ST18: variants seen among roughly 807,000 people sequenced by gnomAD.
ST18 encodes the protein suppression of tumorigenicity 18 protein.
ST18 carries 50 observed loss-of-function variants against 110.0 expected under a neutral mutation model. The observed-to-expected ratio is 0.45, with a 90% CI of 0.36 to 0.58. The LOEUF (loss-of-function observed/expected upper bound fraction) is 0.58. Among genes scored for constraint, ST18 ranks in the 20% least tolerant of loss-of-function variants. The pLI is 0.00. For synonymous variants in ST18, 461 were observed against 452.4 expected, an observed-to-expected ratio of 1.02 and a Z score of -0.24; for missense variants, 1,306 against 1,280.1, an observed-to-expected ratio of 1.02 and a Z score of -0.31.
intron 2 of ST18, among the ~76,000 whole-genome samples, chr8:52,357,692 TA>T (rs1228315924): frequency 0.028 from 1,529 of 53,928 alleles, 102 homozygotes; most frequent in African/African-American, 0.13. Context: ...TATATATATA[TA>T]TATATATATA....
intron 2 of ST18, among the ~76,000 whole-genome samples, chr8:52,274,012 T>C (rs1002320519): frequency 2.0e-5 from 3 of 152,206 alleles, no homozygotes; most frequent in African/African-American, 7.2e-5. Context: ...GAATTTCTTT[T>C]AAATCATGAC....
rs181259062 is a variant in ST18 at position 52,112,549 on chromosome 8, T to G, written c.*649A>C. ...CAGGCTGTTTTCCAGCATCCTGTGCTTTTGTGAGTGCGGATTCCCCACTAG... is the reference window on the plus strand; with the variant it reads ...CAGGCTGTTTTCCAGCATCCTGTGCGTTTGTGAGTGCGGATTCCCCACTAG... On this transcript the variant is annotated 3_prime_UTR_variant, in exon 26 of 26. Transcript: ENST00000689386. The G allele has an allele frequency of 1.3e-5, 2 of 152,788 alleles. No individual in the cohort carries two copies. Among genetic ancestry groups the G allele is most frequent in the African/African-American group, 2.4e-5 (1 of 41,582 alleles). The allele number at this position is 152,788 out of a possible 1,614,324, so 9.5% of individuals were successfully genotyped here. A position where few individuals can be genotyped will look rare whatever the true frequency, so the allele number is the denominator to read the frequency against.
Position 52,271,207 on chromosome 8 carries a change from C to T in ST18, c.-464-41130G>A, listed in dbSNP as rs902640071. On this transcript the variant is annotated intron_variant, in intron 2 of 25. Coordinates refer to ENST00000689386, the MANE Select transcript of ST18 (RefSeq NM_001352837.2). ...TCTCTTTCCTTATTTATAATTATCT[C>T]GAAAAAGATTTTTAAAAATAAAAAT... 2.6e-5 allele frequency among the ~76,000 whole-genome samples: 4 copies of T among 152,120 alleles called. No homozygotes were observed. In the South Asian group the frequency reaches 8.3e-4, roughly 32 times the overall value.
At chr8:52,276,870 G>A (rs973697943) in intron 2 of ST18, among the ~76,000 whole-genome samples, 9 of 151,394 alleles carry the variant, frequency 5.9e-5, no homozygotes, top group South Asian at 2.1e-4. Flanking sequence ...GGGTTCAAGC[G>A]ATTCTCCTGC....
intron 2 of ST18, among the ~76,000 whole-genome samples, chr8:52,290,086 A>G (rs1179999602): frequency 2.0e-5 from 3 of 152,096 alleles, no homozygotes; most frequent in Admixed American, 1.3e-4. Flanking sequence ...ACTCTGGTGG[A>G]TCCATGTCCC....
chr8:52,370,252 A>G (rs1232173939), intron 2 of ST18, among the ~76,000 whole-genome samples: 1 of 152,218 alleles, frequency 6.6e-6, no homozygotes, highest in African/African-American at 2.4e-5. Context: ...AAGACAAGGT[A>G]AACAAAGGGC....
chr8:52,293,170 C>T (rs1328341511), intron 2 of ST18, among the ~76,000 whole-genome samples: 2 of 152,196 alleles, frequency 1.3e-5, no homozygotes, highest in East Asian at 3.8e-4. Context: ...TAGTTTTTCA[C>T]CTCACTTCCT....
At chr8:52,392,140 G>T (rs944999529) in intron 2 of ST18, among the ~76,000 whole-genome samples, 3 of 152,220 alleles carry the variant, frequency 2.0e-5, no homozygotes, top group African/African-American at 4.8e-5. Context: ...GTATGGAGTT[G>T]AGGGTAAACC....
chr8:52,280,685 C>T (rs964884965), intron 2 of ST18, among the ~76,000 whole-genome samples: 1 of 151,920 alleles, frequency 6.6e-6, no homozygotes, highest in Non-Finnish European at 1.5e-5. Flanking sequence ...GAACATATAA[C>T]AATTCGGGAC....
intron 2 of ST18, among the ~76,000 whole-genome samples, chr8:52,393,055 C>T (rs1210638699): frequency 6.6e-6 from 1 of 152,136 alleles, no homozygotes; most frequent in African/African-American, 2.4e-5. Flanking sequence ...GCCTTAGGTT[C>T]CCTGCCTCCA....
chr8:52,170,942 C>T (rs991731116), intron 10 of ST18, among the ~76,000 whole-genome samples: 2 of 152,168 alleles, frequency 1.3e-5, no homozygotes, highest in South Asian at 2.1e-4. Context: ...CTCCTTGGGT[C>T]CACTGCCCTG....
intron 2 of ST18, among the ~76,000 whole-genome samples, chr8:52,403,150 T>C (rs1335744949): frequency 6.6e-6 from 1 of 151,994 alleles, no homozygotes; most frequent in Non-Finnish European, 1.5e-5. Flanking sequence ...AGGTAGCTTG[T>C]TCCCAGGGGG....
intron 2 of ST18, among the ~76,000 whole-genome samples, chr8:52,350,910 CG>C (rs1210832002): frequency 6.6e-6 from 1 of 151,712 alleles, no homozygotes; most frequent in African/African-American, 2.4e-5. Context: ...TTAGTAGAGA[CG>C]GGGTTTCACT....
In ST18 at chr8:52,247,317, A is replaced by T. The variant is rs117666569; in HGVS notation, c.-464-17240T>A. Among the ~76,000 whole-genome samples the T allele has an allele frequency of 2.3e-3, 345 of 152,312 alleles. 9 individuals carry two copies. The East Asian group carries it at 0.036, about 16-fold the overall frequency. On this transcript the variant is annotated intron_variant, in intron 2 of 25. Coordinates refer to ENST00000689386, the MANE Select transcript of ST18 (RefSeq NM_001352837.2). ...AAAAAATATATATTTCAGATGCAAG[A>T]CCCATATAGGTGGAAACAAGTTTGC...
At chr8:52,379,396 C>A (rs943579866) in intron 2 of ST18, among the ~76,000 whole-genome samples, 23 of 152,044 alleles carry the variant, frequency 1.5e-4, no homozygotes, top group African/African-American at 4.6e-4. Context: ...CCACGCCCAG[C>A]CAATAAAATC....
At chr8:52,356,471 C>A (rs987021850) in intron 2 of ST18, among the ~76,000 whole-genome samples, 5 of 152,096 alleles carry the variant, frequency 3.3e-5, no homozygotes, top group Non-Finnish European at 7.3e-5. Context: ...CAACTCACAA[C>A]AAGCAGTAGC....
chr8:52,372,383 T>C (rs1224953130), intron 2 of ST18, among the ~76,000 whole-genome samples: 1 of 152,214 alleles, frequency 6.6e-6, no homozygotes, highest in Non-Finnish European at 1.5e-5. Context: ...AGTAAAAAAG[T>C]TACAGTACAC....
chr8:52,119,059 G>A (rs2043636704), intron 23 of ST18, among the ~76,000 whole-genome samples: 1 of 152,170 alleles, frequency 6.6e-6, no homozygotes. Context: ...GGACATGGAT[G>A]AGGAAAATGT....
chr8:52,409,870 C>A (rs1295654268), upstream of ST18: 1 of 152,258 alleles, frequency 6.6e-6, no homozygotes. Context: ...TGAGAGTGAG[C>A]GAACAAGCGG....
Sources: allele counts gnomAD v4.1 joint callset (sites outside exome capture counted in the v4.1 genomes callset), GRCh38; gene constraint gnomAD v4.1.1; transcripts MANE v1.5; gene names NCBI Gene and HGNC (gene_info 2026-07-23, HGNC 2026-07-21).